Variants in PLAGL1 observed in about 807,000 individuals in gnomAD.
PLAGL1 encodes the protein PLAG1 like zinc finger 1.
Under a neutral mutation model 4.6 loss-of-function variants are expected in PLAGL1, and 1 was observed. That is an observed-to-expected ratio of 0.22 (90% CI 0.08 to 1.03). The LOEUF is 1.03. Ranked by LOEUF, PLAGL1 falls within the 50% of genes least tolerant of loss-of-function variation. The probability of loss-of-function intolerance (pLI) is 0.58; values close to 1 mark genes in which losing one functional copy is unlikely to be tolerated. For synonymous variants in PLAGL1, 240 were observed against 237.8 expected (o/e 1.01, Z -0.08); for missense variants, 464 against 570.4 (o/e 0.81, Z 1.90).
rs1174840123 is a variant in PLAGL1 at position 144,004,308 on chromosome 6, A to T, written c.-584+3782T>A. 6.6e-6 allele frequency among the ~76,000 whole-genome samples: 1 copy of T among 152,184 alleles called. No homozygotes were observed. On this transcript the variant is annotated intron_variant, in intron 1 of 7. Transcript: ENST00000674357. This position sits in a 1 kb window ranked among gnomAD's most constrained non-coding sequence, Gnocchi z 4.2. ...GAGATTCTCCTGCCTCAGCCTCTTG[A>T]CTGGCTGGAATTATAGACAGGAGCC...
rs976173680 is a variant in PLAGL1, at chr6:143,968,044, T to C, written c.-472+863A>G. On this transcript the variant is annotated intron_variant, in intron 3 of 7. Coordinates refer to ENST00000674357, the MANE Select transcript of PLAGL1 (RefSeq NM_001317162.2). The surrounding 1 kb of genome is among the most constrained non-coding windows in gnomAD (Gnocchi z 6.3). ...CAGTCTGGAGAGAGGCCAAGAGTTA[T>C]GGTTAAGCAACAGCACTGCAGCTGC... 4 of 146,366 alleles carry C rather than the reference T, an allele frequency of 2.7e-5. No individual in the cohort carries two copies. The highest frequency in any genetic ancestry group is 7.6e-5 in the African/African-American group (3 of 39,702). The allele number at this position is 146,366 out of a possible 1,614,324, so 9.1% of individuals were successfully genotyped here.
At chr6:144,057,499 G>A (rs545021336) in intron 1 of PLAGL1, among the ~76,000 whole-genome samples, 1 of 152,364 alleles carries the variant, frequency 6.6e-6, no homozygotes, top group South Asian at 2.1e-4. Context: ...ACTGTGGCAT[G>A]CTGCATACTG....
At position 144,013,926 on chromosome 6, in the gene PLAGL1, A is replaced by G. The variant is rs1795384729; in HGVS notation, c.-150-44948T>C. Among the ~76,000 whole-genome samples, 1 of 152,126 alleles carries G rather than the reference A, an allele frequency of 6.6e-6. No individual in the cohort carries two copies. Among genetic ancestry groups the G allele is most frequent in the South Asian group, 2.1e-4 (1 of 4,834 alleles). On this transcript the variant is annotated intron_variant, in intron 1 of 3. Transcript: ENST00000437412. The surrounding 1 kb of genome is among the most constrained non-coding windows in gnomAD (Gnocchi z 4.4). ...AGATTCCAGAGATTAGGACACAAATATTTTCGAGGGTCATCAGTCAGTCCT... is the reference window on the plus strand; with the variant it reads ...AGATTCCAGAGATTAGGACACAAATGTTTTCGAGGGTCATCAGTCAGTCCT...
In PLAGL1 at chr6:143,990,119, A is replaced by ATT. The variant is rs764393369; in HGVS notation, c.-583-4947_-583-4946dup. The stretch of plus-strand genomic sequence containing the variant: ...ACATACTATGCTCTGATATTCCCCA[A>ATT]TTTTTTTTTTTTTCTTTTTTGAGAT... On this transcript the variant is annotated intron_variant, in intron 1 of 7. Transcript: ENST00000674357. The surrounding 1 kb of genome is among the most constrained non-coding windows in gnomAD (Gnocchi z 5.4). Among the ~76,000 whole-genome samples the ATT allele has an allele frequency of 1.4e-5, 2 of 144,488 alleles. No homozygotes were observed. The highest frequency in any genetic ancestry group is 1.5e-5 in the Non-Finnish European group (1 of 65,240). The allele number at this position is 144,488 out of a possible 152,430, so 94.8% of individuals were successfully genotyped here.
chr6:143,979,534 C>T lies in PLAGL1; in HGVS notation c.-544+5601G>A, dbSNP rs1399339842. ...GTTGCTGTAGAGTTTATAGTTATAT[C>T]TTTAACTTACCATGGTGTACTTCCA... On this transcript the variant is annotated intron_variant, in intron 2 of 7. Coordinates refer to ENST00000674357, the MANE Select transcript of PLAGL1 (RefSeq NM_001317162.2). The surrounding 1 kb of genome is among the most constrained non-coding windows in gnomAD (Gnocchi z 4.6). Among the ~76,000 whole-genome samples the T allele has an allele frequency of 1.3e-5, 2 of 151,886 alleles. No homozygotes were observed. The highest frequency in any genetic ancestry group is 3.8e-4 in the East Asian group (2 of 5,196).
intron 1 of PLAGL1, among the ~76,000 whole-genome samples, chr6:144,060,019 C>T (rs1179159568): frequency 6.6e-6 from 1 of 152,120 alleles, no homozygotes; most frequent in Non-Finnish European, 1.5e-5. Context: ...TATGAGAACC[C>T]TCTGATCCCT....
rs140158439 is a variant in PLAGL1 at position 143,971,294 on chromosome 6, A to T, written c.-543-2316T>A. ...GCAATTCACAAATGTGTAAACCTCT[A>T]TTTTAAATTTTACCTCTACCATTAA... On this transcript the variant is annotated intron_variant, in intron 2 of 7. Coordinates refer to ENST00000674357, the MANE Select transcript of PLAGL1 (RefSeq NM_001317162.2). The surrounding 1 kb of genome is among the most constrained non-coding windows in gnomAD (Gnocchi z 4.7). Among the ~76,000 whole-genome samples the T allele has an allele frequency of 1.9e-3, 296 of 152,314 alleles. 4 individuals carry two copies. The highest frequency in any genetic ancestry group is 0.014 in the East Asian group (74 of 5,190).
At chr6:143,946,192 T>G (rs988159069) in intron 7 of PLAGL1, among the ~76,000 whole-genome samples, 2 of 152,240 alleles carry the variant, frequency 1.3e-5, no homozygotes, top group African/African-American at 4.8e-5. Context: ...AATCTGCATC[T>G]GGTTGAAAAA....
At chr6:144,017,649 T>A (rs1208961707) in intron 1 of PLAGL1, among the ~76,000 whole-genome samples, 1 of 152,196 alleles carries the variant, frequency 6.6e-6, no homozygotes, top group Non-Finnish European at 1.5e-5. Flanking sequence ...TAGACAACCA[T>A]GTGGGTGATT....
rs1008478566 is a variant in PLAGL1 at position 144,000,606 on chromosome 6, C to T, written c.-584+7484G>A. Reference sequence around the variant, plus strand: ...TTGATCTATAAATTCAAAGCCATTTCTATAAAAATCCCAACAGGACTTTTC... The same window carrying T: ...TTGATCTATAAATTCAAAGCCATTTTTATAAAAATCCCAACAGGACTTTTC... On this transcript the variant is annotated intron_variant, in intron 1 of 7. Coordinates refer to ENST00000674357, the MANE Select transcript of PLAGL1 (RefSeq NM_001317162.2). The surrounding 1 kb of genome is among the most constrained non-coding windows in gnomAD (Gnocchi z 4.1). 5.9e-5 allele frequency among the ~76,000 whole-genome samples: 9 copies of T among 152,074 alleles called. No individual in the cohort carries two copies. The highest frequency in any genetic ancestry group is 3.3e-4 in the Admixed American group (5 of 15,276).
In PLAGL1 at chr6:144,027,239, G is replaced by A. The variant is rs866884318; in HGVS notation, c.-151+37229C>T. ...ACCCCAACTCAAAGAACGAACGAAAGAAAGAAAGAAAGAAAGAAAGAAAGA... is the reference window on the plus strand; with the variant it reads ...ACCCCAACTCAAAGAACGAACGAAAAAAAGAAAGAAAGAAAGAAAGAAAGA... On this transcript the variant is annotated intron_variant, in intron 1 of 3. Transcript: ENST00000437412. The surrounding 1 kb of genome is among the most constrained non-coding windows in gnomAD (Gnocchi z 5.8). 1.9e-4 allele frequency among the ~76,000 whole-genome samples: 12 copies of A among 63,854 alleles called. No homozygotes were observed. The highest frequency in any genetic ancestry group is 5.3e-4 in the African/African-American group (11 of 20,944). The allele number at this position is 63,854 out of a possible 152,430, so 41.9% of individuals were successfully genotyped here.
rs1183108913 is a variant in PLAGL1, at chr6:143,950,748, GTTGATTCTCCCCAATTC to G, written c.-324-2305_-324-2289del. ...CACTTTTCTCAACTTATCTCAGTAAGTTGATTCTCCCCAATTCTTGCTTTATGAGATGACTGGCATGT... is the reference window on the plus strand; with the variant it reads ...CACTTTTCTCAACTTATCTCAGTAAGTTGCTTTATGAGATGACTGGCATGT... On this transcript the variant is annotated intron_variant, in intron 6 of 7. Coordinates refer to ENST00000674357, the MANE Select transcript of PLAGL1 (RefSeq NM_001317162.2). This position sits in a 1 kb window ranked among gnomAD's most constrained non-coding sequence, Gnocchi z 6.3. Among the ~76,000 whole-genome samples, 1 of 152,114 alleles carries G rather than the reference GTTGATTCTCCCCAATTC, an allele frequency of 6.6e-6. No homozygotes were observed. Among genetic ancestry groups the G allele is most frequent in the Admixed American group, 6.5e-5 (1 of 15,278 alleles).
Position 143,962,064 on chromosome 6 carries a change from G to C in PLAGL1, c.-398-1522C>G, listed in dbSNP as rs1235584621. Among the ~76,000 whole-genome samples, 1 of 152,224 alleles carries C rather than the reference G, an allele frequency of 6.6e-6. No homozygotes were observed. Among genetic ancestry groups the C allele is most frequent in the Non-Finnish European group, 1.5e-5 (1 of 68,040 alleles). ...TTCAATGTAAGCAGCACTCGTGAAA[G>C]AGGAGAACTCTGGCAGGGAGGAGAT... On this transcript the variant is annotated intron_variant, in intron 5 of 7. Coordinates refer to ENST00000674357, the MANE Select transcript of PLAGL1 (RefSeq NM_001317162.2). This position sits in a 1 kb window ranked among gnomAD's most constrained non-coding sequence, Gnocchi z 5.3.
At chr6:143,992,153 G>T (rs1055828335) in intron 1 of PLAGL1, among the ~76,000 whole-genome samples, 1 of 152,140 alleles carries the variant, frequency 6.6e-6, no homozygotes, top group Non-Finnish European at 1.5e-5. Flanking sequence ...TTTATATCCT[G>T]GCTTGAACTC....
intron 1 of PLAGL1, among the ~76,000 whole-genome samples, chr6:144,043,159 C>T (rs984426892): frequency 3.3e-5 from 5 of 152,036 alleles, no homozygotes; most frequent in Admixed American, 1.3e-4. Flanking sequence ...AATTGAATAC[C>T]CTTTATTTCT....
chr6:143,960,788 A>C lies in PLAGL1; in HGVS notation c.-398-246T>G, dbSNP rs1044369845. ...TGCTTTATGCAAGTGGAAAAAAAAG[A>C]ACACACAAAATTGCTTACATAATAT... is the stretch of plus-strand genomic sequence containing the variant. On this transcript the variant is annotated intron_variant, in intron 5 of 7. Transcript: ENST00000674357. This position sits in a 1 kb window ranked among gnomAD's most constrained non-coding sequence, Gnocchi z 5.7. 13 of 152,234 alleles carry C rather than the reference A, an allele frequency of 8.5e-5. No homozygotes were observed. Among genetic ancestry groups the C allele is most frequent in the Non-Finnish European group, 1.8e-4 (12 of 68,028 alleles). The allele number at this position is 152,234 out of a possible 1,614,324, so 9.4% of individuals were successfully genotyped here. A position where few individuals can be genotyped will look rare whatever the true frequency, so the allele number is the denominator to read the frequency against.
At position 144,059,160 on chromosome 6, in the gene PLAGL1, C is replaced by T. The variant is rs935293195; in HGVS notation, c.-151+5308G>A. Among the ~76,000 whole-genome samples the T allele has an allele frequency of 5.3e-5, 8 of 152,252 alleles. No homozygotes were observed. Among genetic ancestry groups the T allele is most frequent in the Admixed American group, 5.2e-4 (8 of 15,290 alleles). Reference sequence around the variant, plus strand: ...AGCTGCCAAGCCTCCTTCATTCCTGCATTCCATGCACCCACAGGAAGCTGC... The same window carrying T: ...AGCTGCCAAGCCTCCTTCATTCCTGTATTCCATGCACCCACAGGAAGCTGC... On this transcript the variant is annotated intron_variant, in intron 1 of 3. Coordinates refer to the PLAGL1 transcript ENST00000437412. This position sits in a 1 kb window ranked among gnomAD's most constrained non-coding sequence, Gnocchi z 4.9.
At chr6:144,030,789 G>A (rs1215630495) in intron 1 of PLAGL1, among the ~76,000 whole-genome samples, 1 of 152,172 alleles carries the variant, frequency 6.6e-6, no homozygotes, top group East Asian at 1.9e-4. Context: ...CAATTGTGCT[G>A]CTATAAACAT....
intron 1 of PLAGL1, among the ~76,000 whole-genome samples, chr6:144,001,687 C>A (rs560391616): frequency 6.6e-5 from 10 of 152,238 alleles, no homozygotes; most frequent in African/African-American, 1.9e-4. Flanking sequence ...AGAAACCTTG[C>A]CAGACACCAT....
Sources: allele counts gnomAD v4.1 joint callset (sites outside exome capture counted in the v4.1 genomes callset), GRCh38; gene constraint gnomAD v4.1.1; non-coding constraint Gnocchi (gnomAD v3.1); transcripts MANE v1.5; gene names NCBI Gene and HGNC (gene_info 2026-07-23, HGNC 2026-07-21).